DLGAP1: variants seen among roughly 807,000 people sequenced by gnomAD.
The protein encoded by DLGAP1 is disks large-associated protein 1.
A neutral mutation model predicts 90.8 loss-of-function variants in DLGAP1; 11 were observed. That is an observed-to-expected ratio of 0.12 (90% CI 0.08 to 0.20). The LOEUF (loss-of-function observed/expected upper bound fraction) is 0.20. Among genes scored for constraint, DLGAP1 ranks in the 10% least tolerant of loss-of-function variants. The probability of loss-of-function intolerance (pLI) is 1.00; values close to 1 mark genes in which losing one functional copy is unlikely to be tolerated. For synonymous variants in DLGAP1, 558 were observed against 540.7 expected, an observed-to-expected ratio of 1.03 and a Z score of -0.44; for missense variants, 1,050 against 1,333.8, an observed-to-expected ratio of 0.79 and a Z score of 3.31.
At chr18:3,605,344 T>TTTTAATCAGGCAGAG (rs2057279702) in intron 7 of DLGAP1, among the ~76,000 whole-genome samples, 1 of 152,208 alleles carries the variant, frequency 6.6e-6, no homozygotes, top group Non-Finnish European at 1.5e-5. Flanking sequence ...ACACAGCAGT[T>TTTTAATCAGGCAGAG]TTTAATCAGG....
chr18:3,770,710 G>C (rs1360161535), intron 5 of DLGAP1, among the ~76,000 whole-genome samples: 1 of 152,150 alleles, frequency 6.6e-6, no homozygotes, highest in Non-Finnish European at 1.5e-5. Context: ...TACGCTATAA[G>C]GCAGAAGTAT....
intron 8 of DLGAP1, among the ~76,000 whole-genome samples, chr18:3,570,399 C>T (rs1373538285): frequency 6.6e-6 from 1 of 151,750 alleles, no homozygotes; most frequent in Non-Finnish European, 1.5e-5. Context: ...CTGCCTCAGC[C>T]TCCCAAGTAG....
rs1379287001 is a variant in DLGAP1 at position 3,765,127 on chromosome 18, TTTC to T, written c.1173-22618_1173-22616del. Among the ~76,000 whole-genome samples the T allele has an allele frequency of 6.8e-4, 89 of 130,030 alleles. 6 individuals carry two copies. The highest frequency in any genetic ancestry group is 4.2e-3 in the East Asian group (13 of 3,076). 85.3% of individuals were successfully genotyped at this position (130,030 alleles called of 152,430 possible). A position where few individuals can be genotyped will look rare whatever the true frequency, so the allele number is the denominator to read the frequency against. ...ATGCACACTTGCAAACTTTTTTTTT[TTTC>T]TTTTTTTTTTTTTTTGAGACAGAGT... On this transcript the variant is annotated intron_variant, in intron 5 of 12. Coordinates refer to ENST00000315677, the MANE Select transcript of DLGAP1 (RefSeq NM_004746.4).
intron 7 of DLGAP1, among the ~76,000 whole-genome samples, chr18:3,692,379 C>T (rs2060927797): frequency 6.6e-6 from 1 of 152,140 alleles, no homozygotes; most frequent in South Asian, 2.1e-4. Flanking sequence ...TTATAAAGTT[C>T]TCATGGTCTC....
At chr18:3,764,521 C>G (rs1238238221) in intron 5 of DLGAP1, among the ~76,000 whole-genome samples, 1 of 152,210 alleles carries the variant, frequency 6.6e-6, no homozygotes, top group Non-Finnish European at 1.5e-5. Flanking sequence ...CTGTGATGTA[C>G]CTCTCTCAAC....
At chr18:4,241,590 C>T (rs1021056497) in intron 1 of DLGAP1, among the ~76,000 whole-genome samples, 1 of 152,162 alleles carries the variant, frequency 6.6e-6, no homozygotes, top group African/African-American at 2.4e-5. Flanking sequence ...ATCTTAGTTA[C>T]ATGGATGAAG....
chr18:3,687,090 T>C (rs2060729553), intron 7 of DLGAP1, among the ~76,000 whole-genome samples: 2 of 152,250 alleles, frequency 1.3e-5, no homozygotes, highest in East Asian at 1.9e-4. Flanking sequence ...GACAAGGAAA[T>C]GGATTCTTCC....
intron 3 of DLGAP1, among the ~76,000 whole-genome samples, chr18:3,991,484 G>T (rs942630298): frequency 6.6e-6 from 1 of 152,166 alleles, no homozygotes. Flanking sequence ...GAACCTTGGG[G>T]TTAGCATCCT....
At chr18:4,448,283 T>G (rs1237390113) in intron 1 of DLGAP1, among the ~76,000 whole-genome samples, 2 of 152,284 alleles carry the variant, frequency 1.3e-5, no homozygotes, top group African/African-American at 4.8e-5. Flanking sequence ...TTCCTACATT[T>G]TAATCGTATT....
At chr18:3,797,193 G>A (rs1391991916) in intron 5 of DLGAP1, among the ~76,000 whole-genome samples, 3 of 152,078 alleles carry the variant, frequency 2.0e-5, no homozygotes, top group East Asian at 1.9e-4. Flanking sequence ...TTAGCTGGGC[G>A]TGGTGGTGCA....
intron 2 of DLGAP1, among the ~76,000 whole-genome samples, chr18:4,128,992 A>C (rs1170093744): frequency 6.6e-6 from 1 of 152,180 alleles, no homozygotes; most frequent in Non-Finnish European, 1.5e-5. Flanking sequence ...GGCTAAGTTC[A>C]TAACAATAAC....
At chr18:3,619,308 A>G (rs966713700) in intron 7 of DLGAP1, among the ~76,000 whole-genome samples, 1 of 152,198 alleles carries the variant, frequency 6.6e-6, no homozygotes, top group Non-Finnish European at 1.5e-5. Flanking sequence ...TTCAACATGC[A>G]AGAGTCTAGC....
chr18:3,898,794 A>G (rs62083564), intron 3 of DLGAP1, among the ~76,000 whole-genome samples: 23,085 of 152,082 alleles, frequency 0.15, 1,910 homozygotes, highest in African/African-American at 0.22. Context: ...TTATTCATCT[A>G]TTATTATTAT....
chr18:4,047,238 TG>T (rs1441946849), intron 2 of DLGAP1, among the ~76,000 whole-genome samples: 3 of 152,236 alleles, frequency 2.0e-5, no homozygotes, highest in African/African-American at 7.2e-5. Flanking sequence ...ACAAATAAAA[TG>T]GTTTGCTTTA....
chr18:3,785,745 G>A (rs998357806), intron 5 of DLGAP1, among the ~76,000 whole-genome samples: 2 of 152,180 alleles, frequency 1.3e-5, no homozygotes, highest in African/African-American at 2.4e-5. Context: ...GAGGTGGAAG[G>A]CAACTGTGGT....
intron 3 of DLGAP1, among the ~76,000 whole-genome samples, chr18:3,962,994 T>G (rs1293187214): frequency 6.6e-6 from 1 of 152,228 alleles, no homozygotes. Context: ...TTCATGCTCA[T>G]GTTGAAGGAC....
chr18:3,790,322 C>T (rs918486204), intron 5 of DLGAP1, among the ~76,000 whole-genome samples: 1 of 150,456 alleles, frequency 6.6e-6, no homozygotes, highest in Non-Finnish European at 1.5e-5. Context: ...GGTTGGAGTA[C>T]AGTGGCATGA....
At chr18:3,851,479 G>A (rs2069338688) in intron 4 of DLGAP1, among the ~76,000 whole-genome samples, 1 of 152,140 alleles carries the variant, frequency 6.6e-6, no homozygotes, top group East Asian at 1.9e-4. Context: ...AGCCTTTGAT[G>A]CTTGGAAAAC....
intron 3 of DLGAP1, among the ~76,000 whole-genome samples, chr18:3,932,980 G>C (rs2072552634): frequency 6.6e-6 from 1 of 152,166 alleles, no homozygotes; most frequent in African/African-American, 2.4e-5. Context: ...AGAAGTTAGG[G>C]GTTCAGCTTG....
Sources: allele counts gnomAD v4.1 joint callset (sites outside exome capture counted in the v4.1 genomes callset), GRCh38; gene constraint gnomAD v4.1.1; transcripts MANE v1.5; gene names NCBI Gene and HGNC (gene_info 2026-07-23, HGNC 2026-07-21).